DRD3: variants seen among roughly 807,000 people sequenced by gnomAD.
The protein encoded by DRD3 is dopamine receptor D3, also known as D(3) dopamine receptor.
A neutral mutation model predicts 36.3 loss-of-function variants in DRD3; 19 were observed. The observed-to-expected ratio is 0.52, with a 90% CI of 0.36 to 0.77. DRD3 has a LOEUF of 0.77. Among genes scored for constraint, DRD3 ranks in the 30% least tolerant of loss-of-function variants. DRD3 has a pLI of 0.00. For missense variants in DRD3, 465 were observed against 505.3 expected, an observed-to-expected ratio of 0.92 and a Z score of 0.77; for synonymous variants, 195 against 203.7, an observed-to-expected ratio of 0.96 and a Z score of 0.36.
At chr3:114,146,859 C>T (rs1282615127) in intron 4 of DRD3, among the ~76,000 whole-genome samples, 1 of 152,064 alleles carries the variant, frequency 6.6e-6, no homozygotes, top group Non-Finnish European at 1.5e-5. Flanking sequence ...TCCATCCACC[C>T]AGGAGATGTA....
chr3:114,179,682 CTT>C (rs528934511), upstream of DRD3, among the ~76,000 whole-genome samples: 1 of 151,962 alleles, frequency 6.6e-6, no homozygotes, highest in South Asian at 2.1e-4. Flanking sequence ...TTCTCTCTCT[CTT>C]TTTTTTCTCC....
At chr3:114,159,916 A>G (rs745631217) in intron 2 of DRD3, 49 bp from the exon 3 acceptor site, 1 of 1,553,138 alleles carries the variant, frequency 6.4e-7, no homozygotes, top group Non-Finnish European at 8.9e-7. Context: ...TGAAGGAACG[A>G]CAACCCAGTT....
chr3:114,173,176 A>G (rs2077863872), intron 1 of DRD3, among the ~76,000 whole-genome samples: 1 of 152,124 alleles, frequency 6.6e-6, no homozygotes, highest in Non-Finnish European at 1.5e-5. Flanking sequence ...TATGAACCAG[A>G]AAGCAGGCCC....
intron 2 of DRD3, among the ~76,000 whole-genome samples, chr3:114,167,548 T>G (rs1396817601): frequency 6.6e-6 from 1 of 152,218 alleles, no homozygotes; most frequent in Non-Finnish European, 1.5e-5. Context: ...TGAACTTATC[T>G]GCCAGGCTTG....
At chr3:114,183,634 G>C (rs762186956), upstream of DRD3, among the ~76,000 whole-genome samples, 81 of 151,748 alleles carry the variant, frequency 5.3e-4, no homozygotes, top group Non-Finnish European at 1.1e-3. Context: ...GTTTAAAATT[G>C]CTCTATTTTC....
chr3:114,191,785 G>C (rs2078012077), intron 1 of DRD3, among the ~76,000 whole-genome samples: 1 of 152,190 alleles, frequency 6.6e-6, no homozygotes, highest in African/African-American at 2.4e-5. Context: ...GGGAAAGGGA[G>C]CTGCCAAAAT....
chr3:114,146,484 G>A (rs946605746), intron 4 of DRD3, among the ~76,000 whole-genome samples: 2 of 152,046 alleles, frequency 1.3e-5, no homozygotes, highest in Non-Finnish European at 1.5e-5. Flanking sequence ...TTGGGAGGCC[G>A]AGGCGGGCTG....
upstream of DRD3, among the ~76,000 whole-genome samples, chr3:114,181,480 A>T (rs1444227935): frequency 6.6e-6 from 1 of 152,220 alleles, no homozygotes; most frequent in Admixed American, 6.5e-5. Context: ...CTTTTAAGTA[A>T]GTGGAACCCT....
chr3:114,171,598 A>G, intron 2 of DRD3, 125 bp downstream of exon 2: 1 of 1,252,334 alleles, frequency 8.0e-7, no homozygotes, highest in Middle Eastern at 2.6e-4. Context: ...AGGGAGAATG[A>G]GAGCTCTCCT....
At chr3:114,153,317 G>T (rs1162292078) in intron 3 of DRD3, among the ~76,000 whole-genome samples, 2 of 151,478 alleles carry the variant, frequency 1.3e-5, no homozygotes, top group Non-Finnish European at 2.9e-5. Context: ...ACATTCAAAA[G>T]ACGGTATTAT....
intron 1 of DRD3, among the ~76,000 whole-genome samples, chr3:114,194,679 CATT>C (rs1156275095): frequency 1.3e-5 from 2 of 152,162 alleles, no homozygotes; most frequent in Non-Finnish European, 2.9e-5. Context: ...TACATTCTGT[CATT>C]AGTTTTTCAT....
upstream of DRD3, among the ~76,000 whole-genome samples, chr3:114,181,969 A>G (rs533338637): frequency 3.2e-4 from 49 of 152,336 alleles, no homozygotes; most frequent in African/African-American, 9.9e-4. Context: ...CAGGACCTAT[A>G]TGAATAAAGG....
intron 1 of DRD3, among the ~76,000 whole-genome samples, chr3:114,190,462 ATTTTTTTTTTTTTTTTTTTTTTT>A (rs55938654): frequency 7.8e-3 from 63 of 8,026 alleles, no homozygotes; most frequent in South Asian, 0.037. Context: ...ATATATATAT[ATTTTTTTTTTTTTTTTTTTTTTT>A]TTTTTTTTTT....
Position 114,190,410 on chromosome 3 carries a change from TAATATATATATATA to T in DRD3, c.-156+8849_-156+8862del, listed in dbSNP as rs1429499835. 8.6e-5 allele frequency among the ~76,000 whole-genome samples: 5 copies of T among 58,190 alleles called. No homozygotes were observed. The East Asian group carries it at 2.6e-3, about 30-fold the overall frequency. 38.2% of individuals were successfully genotyped at this position (58,190 alleles called of 152,430 possible). On this transcript the variant is annotated intron_variant, in intron 1 of 7. Transcript: ENST00000460779. The stretch of plus-strand genomic sequence containing the variant: ...AATGCATCCTAGAGAGGAAAAAGGA[TAATATATATATATA>T]TATATATATATATATATATATATAT...
intron 1 of DRD3, among the ~76,000 whole-genome samples, chr3:114,172,967 C>T (rs1355455051): frequency 4.0e-5 from 6 of 151,866 alleles, no homozygotes; most frequent in African/African-American, 1.2e-4. Context: ...GCTGTGGTCT[C>T]GGTGTTTGTG....
In DRD3 at chr3:114,128,872, A is replaced by G. The variant is rs139341493; in HGVS notation, c.1047T>C (p.His349=). The G allele has an allele frequency of 6.6e-4, 1,061 of 1,611,096 alleles. 10 individuals are homozygous for G. In the Middle Eastern group the frequency reaches 0.013, roughly 20 times the overall value. Residue 349 remains histidine (H), a synonymous_variant, in exon 7 of 7, where the codon CAT becomes CAC. Transcript: ENST00000383673. The part of the protein sequence containing the change: ...IVCWLPFFLT[H]VLNTHCQTCH... ...ATGTCTGGCAGTGGGTATTGAGAAC[A>G]TGGGTCAAGAAGAAGGGCAGCCAGC... is the stretch of plus-strand genomic sequence containing the variant.
At chr3:114,165,020 A>G (rs9871472) in intron 2 of DRD3, among the ~76,000 whole-genome samples, 10,835 of 152,316 alleles carry the variant, frequency 0.071, 808 homozygotes, top group African/African-American at 0.19. Flanking sequence ...CGAAGTGCTG[A>G]GATTACAGGT....
intron 1 of DRD3, among the ~76,000 whole-genome samples, chr3:114,184,164 A>C (rs991208766): frequency 6.6e-6 from 1 of 152,140 alleles, no homozygotes; most frequent in Admixed American, 6.5e-5. Flanking sequence ...AGTGGAGATT[A>C]CATTTAACAT....
chr3:114,131,987 G>A (rs917102393), intron 5 of DRD3, among the ~76,000 whole-genome samples: 7 of 152,102 alleles, frequency 4.6e-5, no homozygotes, highest in Admixed American at 1.3e-4. Context: ...AACCATTGTG[G>A]AAGACTGTGG....
Sources: allele counts gnomAD v4.1 joint callset (sites outside exome capture counted in the v4.1 genomes callset), GRCh38; gene constraint gnomAD v4.1.1; transcripts MANE v1.5; gene names NCBI Gene and HGNC (gene_info 2026-07-23, HGNC 2026-07-21).